A2M: variants seen among roughly 807,000 people sequenced by gnomAD.
A2M encodes the protein C3 and PZP-like alpha-2-macroglobulin domain-containing protein 5.
A2M carries 128 observed loss-of-function variants against 183.9 expected under a neutral mutation model. The ratio of observed to expected loss-of-function variants is 0.70; its 90% CI spans 0.60 to 0.81. A2M has a LOEUF of 0.81. A2M is among the 30% of genes least tolerant of loss of function. The pLI, the probability that A2M is intolerant of heterozygous loss-of-function variation, is 0.00. For synonymous variants in A2M, 592 were observed against 670.8 expected (o/e 0.88, Z 1.81); for missense variants, 1,495 against 1,787.6 (o/e 0.84, Z 2.95).
chr12:9,070,409 T>C, intron 32 of A2M, 79 bp downstream of exon 32: 1 of 924,092 alleles, frequency 1.1e-6, no homozygotes, highest in South Asian at 1.5e-5. Context: ...AATAGTATTT[T>C]GATATTAGTA....
At position 9,099,435 on chromosome 12, in the gene A2M, C is replaced by T; in HGVS notation, c.1647G>A (p.Gly549=). The T allele has an allele frequency of 1.3e-6, 2 of 1,595,712 alleles. No individual in the cohort carries two copies. Among genetic ancestry groups the T allele is most frequent in the Non-Finnish European group, 1.7e-6 (2 of 1,170,844 alleles). Residue 549 remains glycine (G), a synonymous_variant, in exon 14 of 36, where the codon GGG becomes GGA. Transcript: ENST00000318602. The part of the protein sequence containing the change: ...RLLIYAVLPT[G]DVIGDSAKYD... ...ATTTTGCAGAATCCCCAATCACGTC[C>T]CCGGTAGGTAAAACAGCATAGATGA... is the stretch of plus-strand genomic sequence containing the variant.
rs1002042393 is a variant in A2M at position 9,106,322 on chromosome 12, A to C, written c.1018T>G (p.Ser340Ala). 1 of 1,611,716 alleles carries C rather than the reference A, an allele frequency of 6.2e-7. No homozygotes were observed. Among genetic ancestry groups the C allele is most frequent in the African/African-American group, 1.3e-5 (1 of 74,882 alleles). Residue 340 changes from serine (S) to alanine (A), a missense_variant, in exon 10 of 36, where the codon TCC (serine) becomes GCC (alanine). By Grantham distance (99) the Ser-to-Ala change is moderately conservative. Coordinates refer to ENST00000318602, the MANE Select transcript of A2M (RefSeq NM_000014.6). The part of the protein sequence containing the change: ...GTVVELTGRQ[S>A]SEITRTITKL... ...GTTATGGTTCTTGTGATTTCACTGG[A>C]CTGCCTTCCAGTCAATTCCACCACT... is the stretch of plus-strand genomic sequence containing the variant.
At chr12:9,072,626 C>G in intron 30 of A2M, 27 bp downstream of exon 30, 1 of 1,610,532 alleles carries the variant, frequency 6.2e-7, no homozygotes, top group Non-Finnish European at 8.5e-7. Context: ...CTCATCTGTC[C>G]TGTCCTCACC....
intron 18 of A2M, among the ~76,000 whole-genome samples, 184 bp downstream of exon 18, chr12:9,093,281 T>C (rs748890393): frequency 1.3e-5 from 2 of 152,326 alleles, no homozygotes; most frequent in South Asian, 2.1e-4. Context: ...TGTGAGCTAA[T>C]GGATGTGTTA....
chr12:9,108,188 C>T (rs1225898929), intron 7 of A2M, among the ~76,000 whole-genome samples: 4 of 151,988 alleles, frequency 2.6e-5, no homozygotes, highest in South Asian at 2.1e-4. Flanking sequence ...TGCAGTGGTG[C>T]GATCTTGGCT....
intron 4 of A2M, 181 bp downstream of exon 4, chr12:9,111,978 A>C (rs1443210601): frequency 1.0e-5 from 8 of 771,292 alleles, no homozygotes; most frequent in African/African-American, 3.4e-5. Context: ...AGACAGAAAG[A>C]ATTACCTACT....
At chr12:9,116,013 G>A (rs746570953), upstream of A2M, 3 of 681,522 alleles carry the variant, frequency 4.4e-6, no homozygotes, top group Non-Finnish European at 8.1e-6. Flanking sequence ...TGAGGTCTCT[G>A]AACATTCTCT....
At chr12:9,089,056 G>T in intron 22 of A2M, 144 bp downstream of exon 22, 1 of 674,320 alleles carries the variant, frequency 1.5e-6, no homozygotes, top group Non-Finnish European at 2.5e-6. Context: ...GCCTTCCTAA[G>T]AACTATTTTC....
intron 6 of A2M, 70 bp from the exon 7 acceptor site, chr12:9,109,475 C>T (rs2137951721): frequency 1.7e-6 from 2 of 1,173,990 alleles, no homozygotes; most frequent in Middle Eastern, 1.9e-4. Flanking sequence ...TTTCAGGTTC[C>T]CTGTAACAGT....
intron 10 of A2M, among the ~76,000 whole-genome samples, chr12:9,105,354 A>T (rs1938202844): frequency 6.6e-6 from 1 of 152,234 alleles, no homozygotes; most frequent in Non-Finnish European, 1.5e-5. Context: ...CTTACAAAGT[A>T]CACTATCTTT....
intron 4 of A2M, among the ~76,000 whole-genome samples, chr12:9,111,040 T>C (rs1175860982): frequency 1.3e-5 from 2 of 152,162 alleles, no homozygotes; most frequent in South Asian, 2.1e-4. Context: ...AGATGGGTCA[T>C]AGAATTCTTA....
intron 22 of A2M, among the ~76,000 whole-genome samples, chr12:9,081,191 A>G (rs1948897741): frequency 1.3e-5 from 2 of 152,344 alleles, no homozygotes; most frequent in Middle Eastern, 3.4e-3. Context: ...AAAGACAAAT[A>G]GCCAAAGATT....
At chr12:9,106,633 A>C (rs373557410) in intron 8 of A2M, 28 bp from the exon 9 acceptor site, 13 of 1,197,124 alleles carry the variant, frequency 1.1e-5, no homozygotes, top group Middle Eastern at 2.1e-4. Context: ...AAAATACAAA[A>C]ATATAATGCA....
At chr12:9,103,281 T>C (rs750862960) in intron 11 of A2M, among the ~76,000 whole-genome samples, 2 of 152,330 alleles carry the variant, frequency 1.3e-5, no homozygotes, top group Admixed American at 6.5e-5. Flanking sequence ...GGTGTTAGTA[T>C]TGCAATCATT....
chr12:9,074,416 C>A lies in A2M; in HGVS notation c.3756+144G>T. On this transcript the variant is annotated intron_variant, in intron 29 of 35. Transcript: ENST00000318602. ...CTTTGACTTTGATTTGCTTTTATTT[C>A]CATTATCCTTGGATACTGAAAACTT... The A allele has an allele frequency of 3.8e-6, 3 of 799,498 alleles. No homozygotes were observed. The South Asian group carries it at 5.7e-5, about 15-fold the overall frequency. 49.5% of individuals were successfully genotyped at this position (799,498 alleles called of 1,614,324 possible). A position where few individuals can be genotyped will look rare whatever the true frequency, so the allele number is the denominator to read the frequency against.
chr12:9,111,203 C>T (rs750658126), intron 4 of A2M, among the ~76,000 whole-genome samples: 5 of 152,012 alleles, frequency 3.3e-5, no homozygotes, highest in African/African-American at 4.8e-5. Context: ...CCTTCTCATG[C>T]GCTGTGTATC....
intron 4 of A2M, among the ~76,000 whole-genome samples, chr12:9,110,559 T>C (rs1188549501): frequency 6.6e-6 from 1 of 151,776 alleles, no homozygotes; most frequent in Non-Finnish European, 1.5e-5. Flanking sequence ...AGGCATGCAA[T>C]GCATGATAAT....
At chr12:9,087,214 A>T (rs1949076841) in intron 22 of A2M, among the ~76,000 whole-genome samples, 1 of 142,258 alleles carries the variant, frequency 7.0e-6, no homozygotes, top group African/African-American at 2.7e-5. Flanking sequence ...CAATCTACAT[A>T]TTGAATGTAA....
Position 9,072,739 on chromosome 12 carries a change from G to A in A2M, c.3889C>T (p.Arg1297Cys), listed in dbSNP as rs376258518. Reference sequence around the variant, plus strand: ...AATGAGACCTGCTGCAGTAACAGGCGGTTGTTGTTGTCCACTTGGAATTTG... The same window carrying A: ...AATGAGACCTGCTGCAGTAACAGGCAGTTGTTGTTGTCCACTTGGAATTTG... ...SSKFQVDNNNRLLLQQVSLPE... is the reference protein window; with the variant it reads ...SSKFQVDNNNCLLLQQVSLPE... The change falls in exon 30 of 36, where the codon CGC becomes TGC. Residue 1297 changes from arginine (R) to cysteine (C), a missense_variant. Arg to Cys is a radical substitution (Grantham distance 180, BLOSUM62 -3). Coordinates refer to ENST00000318602, the MANE Select transcript of A2M (RefSeq NM_000014.6). 160 of 1,614,018 alleles carry A rather than the reference G, an allele frequency of 9.9e-5. No individual in the cohort carries two copies. The highest frequency in any genetic ancestry group is 3.3e-4 in the Middle Eastern group (2 of 6,084).
Sources: gnomAD v4.1 joint callset for allele counts (sites outside exome capture counted in the v4.1 genomes callset) on GRCh38, gnomAD v4.1.1 for gene constraint, MANE v1.5 for transcripts, NCBI Gene and HGNC (gene_info 2026-07-23, HGNC 2026-07-21) for gene names.